The following CCDC172 variants were observed in gnomAD, a reference collection of about 807,000 sequenced individuals.
CCDC172 encodes coiled-coil domain-containing protein 172.
Under a neutral mutation model 38.0 loss-of-function variants are expected in CCDC172, and 30 were observed. The ratio of observed to expected loss-of-function variants is 0.79; its 90% CI spans 0.59 to 1.07. CCDC172 has a LOEUF of 1.07. Among genes scored for constraint, CCDC172 ranks in the 50% least tolerant of loss-of-function variants. The pLI, the probability that CCDC172 is intolerant of heterozygous loss-of-function variation, is 0.00. For synonymous variants in CCDC172, 78 were observed against 88.3 expected, an observed-to-expected ratio of 0.88 and a Z score of 0.66; for missense variants, 297 against 290.1, an observed-to-expected ratio of 1.02 and a Z score of -0.17.
intron 3 of CCDC172, among the ~76,000 whole-genome samples, chr10:116,336,254 G>A (rs1565712825): frequency 6.8e-6 from 1 of 148,058 alleles, no homozygotes. Context: ...ATAATAGTAT[G>A]TAGTATATAT....
rs145427329 is a variant in CCDC172 at position 116,325,503 on chromosome 10, T to C, written c.165+115T>C. 61 of 730,658 alleles carry C rather than the reference T, an allele frequency of 8.3e-5. No individual in the cohort carries two copies. In the African/African-American group the frequency reaches 9.8e-4, roughly 12 times the overall value. The allele number at this position is 730,658 out of a possible 1,614,324, so 45.3% of individuals were successfully genotyped here. A position where few individuals can be genotyped will look rare whatever the true frequency, so the allele number is the denominator to read the frequency against. The stretch of plus-strand genomic sequence containing the variant: ...CCTTCAAGTAGGAAGCACGTTACTC[T>C]GTGCTGGCTGTTTTAGTTCCATGTT... On this transcript the variant is annotated intron_variant, in intron 3 of 8. Transcript: ENST00000333254.
Position 116,342,261 on chromosome 10 carries a change from A to G in CCDC172, c.448+60A>G. 2.8e-6 allele frequency: 4 copies of G among 1,452,320 alleles called. No homozygotes were observed. In the South Asian group the frequency reaches 4.3e-5, roughly 16 times the overall value. 90.0% of individuals were successfully genotyped at this position (1,452,320 alleles called of 1,614,324 possible). A position where few individuals can be genotyped will look rare whatever the true frequency, so the allele number is the denominator to read the frequency against. Reference sequence around the variant, plus strand: ...AATGAAAATAACTTATTTTGAATGAATGAATTTTCCAAAAATTTAACTTTT... The same window carrying G: ...AATGAAAATAACTTATTTTGAATGAGTGAATTTTCCAAAAATTTAACTTTT... On this transcript the variant is annotated intron_variant, in intron 5 of 8. Transcript: ENST00000333254.
At chr10:116,378,376 T>A in intron 7 of CCDC172, 47 bp from the exon 8 acceptor site, 1 of 1,530,696 alleles carries the variant, frequency 6.5e-7, no homozygotes, top group Non-Finnish European at 8.8e-7. Context: ...AGTAATACAA[T>A]TACAGTTTAT....
chr10:116,336,932 G>A (rs1844739960), intron 3 of CCDC172, among the ~76,000 whole-genome samples: 1 of 152,048 alleles, frequency 6.6e-6, no homozygotes. Flanking sequence ...CACAAATCAT[G>A]GCTTTGCTGA....
chr10:116,361,013 C>T (rs1184318559), intron 7 of CCDC172, among the ~76,000 whole-genome samples: 1 of 150,406 alleles, frequency 6.6e-6, no homozygotes, highest in Non-Finnish European at 1.5e-5. Context: ...ATATATTGGG[C>T]CTCTGTAAAC....
intron 3 of CCDC172, among the ~76,000 whole-genome samples, chr10:116,332,951 T>C (rs549925293): frequency 6.6e-6 from 1 of 152,146 alleles, no homozygotes; most frequent in African/African-American, 2.4e-5. Context: ...TAATGCTCTC[T>C]GCAAATTTAA....
At chr10:116,331,735 A>T (rs2134905724) in intron 3 of CCDC172, among the ~76,000 whole-genome samples, 2 of 152,274 alleles carry the variant, frequency 1.3e-5, no homozygotes, top group South Asian at 4.2e-4. Context: ...TCTTTAGAAG[A>T]ACTTATCTCT....
rs78746879 is a variant in CCDC172 at position 116,337,178 on chromosome 10, A to C, written c.166-3556A>C. Among the ~76,000 whole-genome samples, 35 of 149,440 alleles carry C rather than the reference A, an allele frequency of 2.3e-4. 1 individual carries two copies. In the East Asian group the frequency reaches 6.7e-3, roughly 28 times the overall value. On this transcript the variant is annotated intron_variant, in intron 3 of 8. Transcript: ENST00000333254. ...AGATTTTTTTTTTTTTTTAAACAAG[A>C]GTTTCACTCTCGTCACCCAGGCTGG...
At chr10:116,329,244 A>C (rs1844626914) in intron 3 of CCDC172, among the ~76,000 whole-genome samples, 1 of 152,196 alleles carries the variant, frequency 6.6e-6, no homozygotes, top group Non-Finnish European at 1.5e-5. Flanking sequence ...AAAAAAGGTC[A>C]CTGAGTGTCC....
chr10:116,345,529 C>A (rs190723270), intron 5 of CCDC172, among the ~76,000 whole-genome samples: 1 of 152,240 alleles, frequency 6.6e-6, no homozygotes, highest in East Asian at 1.9e-4. Context: ...AGAAGACAGA[C>A]AACAGTCTTG....
At chr10:116,361,372 T>A (rs1460736346) in intron 7 of CCDC172, among the ~76,000 whole-genome samples, 1 of 152,184 alleles carries the variant, frequency 6.6e-6, no homozygotes, top group Non-Finnish European at 1.5e-5. Flanking sequence ...AATTATAACA[T>A]AACAGACAAT....
chr10:116,349,332 G>A (rs553131900), intron 5 of CCDC172, among the ~76,000 whole-genome samples: 39 of 152,238 alleles, frequency 2.6e-4, no homozygotes, highest in African/African-American at 7.5e-4. Context: ...TCTCCCTCCC[G>A]TGGTCCATGG....
At chr10:116,343,503 C>G (rs537759971) in intron 5 of CCDC172, among the ~76,000 whole-genome samples, 65 of 141,130 alleles carry the variant, frequency 4.6e-4, no homozygotes, top group African/African-American at 1.5e-3. Flanking sequence ...TATTTCCCTT[C>G]TCTGATCATT....
chr10:116,375,249 G>A (rs1239767704), intron 7 of CCDC172, among the ~76,000 whole-genome samples: 2 of 151,912 alleles, frequency 1.3e-5, no homozygotes, highest in Non-Finnish European at 2.9e-5. Flanking sequence ...TCTATGAGAG[G>A]GCTGTGGGTC....
chr10:116,342,033 C>A lies in CCDC172; in HGVS notation c.283-3C>A. The A allele has an allele frequency of 6.8e-7, 1 of 1,471,148 alleles. No homozygotes were observed. The highest frequency in any genetic ancestry group is 1.3e-5 in the South Asian group (1 of 74,270). The allele number at this position is 1,471,148 out of a possible 1,614,324, so 91.1% of individuals were successfully genotyped here. ...TATTTGATCTTTTATTTATGTTTTT[C>A]AGGAGGCTATAAAGAAACAAATGAT... is the stretch of plus-strand genomic sequence containing the variant. On this transcript the variant is annotated splice_region_variant and splice_polypyrimidine_tract_variant and intron_variant, in intron 4 of 8. Transcript: ENST00000333254.
At chr10:116,371,455 T>C (rs1845184624) in intron 7 of CCDC172, among the ~76,000 whole-genome samples, 1 of 151,906 alleles carries the variant, frequency 6.6e-6, no homozygotes, top group Non-Finnish European at 1.5e-5. Context: ...AATATTTTAT[T>C]TATAATTTTT....
rs538159774 is a variant in CCDC172, at chr10:116,354,555, C to T, written c.449-2825C>T. Among the ~76,000 whole-genome samples the T allele has an allele frequency of 4.5e-4, 69 of 151,910 alleles. 1 individual carries two copies. In the South Asian group the frequency reaches 0.014, roughly 31 times the overall value. On this transcript the variant is annotated intron_variant, in intron 5 of 8. Coordinates refer to ENST00000333254, the MANE Select transcript of CCDC172 (RefSeq NM_198515.3). ...CCTGGGCAACATGGTGAAACCCCGTCTCTACTAAAATACAAAAAATTAGCC... is the reference window on the plus strand; with the variant it reads ...CCTGGGCAACATGGTGAAACCCCGTTTCTACTAAAATACAAAAAATTAGCC...
rs373744323 is a variant in CCDC172 at position 116,324,993 on chromosome 10, G to T, written c.-19G>T. 6.2e-6 allele frequency: 10 copies of T among 1,602,062 alleles called. No individual in the cohort carries two copies. Among genetic ancestry groups the T allele is most frequent in the African/African-American group, 1.3e-5 (1 of 74,724 alleles). On this transcript the variant is annotated 5_prime_UTR_variant, in exon 2 of 9. Coordinates refer to ENST00000333254, the MANE Select transcript of CCDC172 (RefSeq NM_198515.3). ...AATATTTAAGGGCGAGAAAAGGATC[G>T]CAGGAGCCAGGCCCTGAGATGAGCT...
At chr10:116,348,184 TTGG>T (rs1334543434) in intron 5 of CCDC172, among the ~76,000 whole-genome samples, 3 of 152,046 alleles carry the variant, frequency 2.0e-5, no homozygotes, top group Admixed American at 6.6e-5. Context: ...GCAACTCTTC[TTGG>T]TGGTGGTGGT....
Sources: allele counts gnomAD v4.1 joint callset (sites outside exome capture counted in the v4.1 genomes callset), GRCh38; gene constraint gnomAD v4.1.1; transcripts MANE v1.5; gene names NCBI Gene and HGNC (gene_info 2026-07-23, HGNC 2026-07-21).